Variants in TMEM117 observed in about 807,000 individuals in gnomAD.
TMEM117 encodes the protein transmembrane protein 117.
A neutral mutation model predicts 52.4 loss-of-function variants in TMEM117; 27 were observed. That is an observed-to-expected ratio of 0.51 (90% CI 0.38 to 0.71). TMEM117 has a LOEUF of 0.71. Ranked by LOEUF, TMEM117 falls within the 30% of genes least tolerant of loss-of-function variation. The probability of loss-of-function intolerance (pLI) is 0.00; values close to 1 mark genes in which losing one functional copy is unlikely to be tolerated. For synonymous variants in TMEM117, 215 were observed against 206.3 expected (o/e 1.04, Z -0.36); for missense variants, 556 against 630.5 (o/e 0.88, Z 1.26).
chr12:44,264,445 C>G (rs113487844), intron 5 of TMEM117, among the ~76,000 whole-genome samples: 1 of 152,064 alleles, frequency 6.6e-6, no homozygotes, highest in Non-Finnish European at 1.5e-5. Context: ...GACACTGGAG[C>G]CAGTGTTTCT....
At chr12:44,030,937 T>G (rs563331578) in intron 3 of TMEM117, among the ~76,000 whole-genome samples, 1 of 152,362 alleles carries the variant, frequency 6.6e-6, no homozygotes, top group Admixed American at 6.5e-5. Context: ...AACAGGTTTT[T>G]CTTAAAGCAA....
At chr12:43,848,279 A>G (rs1943246003) in intron 2 of TMEM117, among the ~76,000 whole-genome samples, 1 of 152,124 alleles carries the variant, frequency 6.6e-6, no homozygotes, top group Admixed American at 6.5e-5. Flanking sequence ...GTCTGACCAC[A>G]AATTTACCAG....
At chr12:43,811,819 G>T in the TMEM117 span, among the ~76,000 whole-genome samples, 1 of 152,200 alleles carries the variant, frequency 6.6e-6, no homozygotes, top group African/African-American at 2.4e-5. Context: ...CTATAAGTTT[G>T]CTAAATAGAG....
chr12:44,065,271 G>A (rs935242787), intron 3 of TMEM117, among the ~76,000 whole-genome samples: 1 of 151,906 alleles, frequency 6.6e-6, no homozygotes, highest in Non-Finnish European at 1.5e-5. Context: ...CCCAGCTGAG[G>A]AGGAGAATTG....
intron 5 of TMEM117, among the ~76,000 whole-genome samples, chr12:44,265,678 G>A (rs1187101157): frequency 1.3e-5 from 2 of 152,074 alleles, no homozygotes; most frequent in East Asian, 1.9e-4. Flanking sequence ...TCATAATACT[G>A]TACAACCACT....
At chr12:44,156,576 A>G (rs1015095516) in intron 4 of TMEM117, among the ~76,000 whole-genome samples, 3 of 152,080 alleles carry the variant, frequency 2.0e-5, no homozygotes, top group African/African-American at 7.2e-5. Flanking sequence ...TAGAGATTCT[A>G]AAATGCAGAA....
chr12:43,944,168 A>G, intron 2 of TMEM117, 42 bp from the exon 3 acceptor site: 1 of 1,533,336 alleles, frequency 6.5e-7, no homozygotes, highest in Non-Finnish European at 8.9e-7. Flanking sequence ...ATGAATTTTG[A>G]GTTACAGTGT....
chr12:43,864,127 C>T (rs1592316261), intron 2 of TMEM117, among the ~76,000 whole-genome samples: 1 of 152,162 alleles, frequency 6.6e-6, no homozygotes, highest in African/African-American at 2.4e-5. Flanking sequence ...AGCTGCCTCC[C>T]TGGGGGGCAG....
intron 3 of TMEM117, among the ~76,000 whole-genome samples, chr12:44,025,345 C>T (rs1344849689): frequency 6.6e-6 from 1 of 152,140 alleles, no homozygotes. Context: ...ATTAGATAAA[C>T]TCCAGATTTG....
upstream of TMEM117, among the ~76,000 whole-genome samples, chr12:43,833,836 T>C (rs1393392713): frequency 6.6e-6 from 1 of 151,816 alleles, no homozygotes; most frequent in Non-Finnish European, 1.5e-5. Context: ...CTCACACCTG[T>C]AACCTCAGCA....
intron 2 of TMEM117, among the ~76,000 whole-genome samples, chr12:43,884,176 A>G (rs981812729): frequency 6.6e-6 from 1 of 151,768 alleles, no homozygotes; most frequent in African/African-American, 2.4e-5. Context: ...GTATTACTCT[A>G]TTAGTGAAAG....
chr12:44,049,205 A>G (rs1396313750), intron 3 of TMEM117, among the ~76,000 whole-genome samples: 1 of 152,246 alleles, frequency 6.6e-6, no homozygotes, highest in Non-Finnish European at 1.5e-5. Flanking sequence ...CAAATATGGT[A>G]CATATACACC....
intron 3 of TMEM117, among the ~76,000 whole-genome samples, chr12:44,070,684 T>A (rs190211530): frequency 6.6e-6 from 1 of 152,318 alleles, no homozygotes; most frequent in African/African-American, 2.4e-5. Flanking sequence ...GGTCTTTTGA[T>A]GACAGGGCAG....
chr12:43,978,692 T>C (rs1790922836), intron 3 of TMEM117, among the ~76,000 whole-genome samples: 1 of 152,128 alleles, frequency 6.6e-6, no homozygotes, highest in Non-Finnish European at 1.5e-5. Flanking sequence ...GATCTAGAGA[T>C]AGGGGCATTA....
chr12:44,254,619 C>T (rs1950235752), intron 5 of TMEM117, among the ~76,000 whole-genome samples: 1 of 151,598 alleles, frequency 6.6e-6, no homozygotes, highest in African/African-American at 2.4e-5. Flanking sequence ...AATTATTCTG[C>T]TTCTAGGGGC....
chr12:44,385,771 G>C (rs1281369292), intron 7 of TMEM117, among the ~76,000 whole-genome samples: 1 of 152,066 alleles, frequency 6.6e-6, no homozygotes, highest in Non-Finnish European at 1.5e-5. Context: ...CTTGCTTTCT[G>C]TCATGGAATC....
chr12:44,355,892 C>G (rs759296495), intron 6 of TMEM117, among the ~76,000 whole-genome samples: 4 of 152,028 alleles, frequency 2.6e-5, no homozygotes, highest in Non-Finnish European at 5.9e-5. Context: ...GAGGCAAAAC[C>G]AGTCATGCTA....
chr12:43,983,983 T>C (rs545171105), intron 3 of TMEM117, among the ~76,000 whole-genome samples: 13 of 152,304 alleles, frequency 8.5e-5, no homozygotes, highest in African/African-American at 2.2e-4. Context: ...ATGAATTGTT[T>C]GTTTTTGTTT....
rs757187458 is a variant in TMEM117, at chr12:43,844,862, C to A, written c.211C>A (p.Leu71Ile). Reference sequence around the variant, plus strand: ...TGGCTGGAGGATTTTGAAGGTGCTTCTATGGCTACTTGCCATTCTCACAGG... The same window carrying A: ...TGGCTGGAGGATTTTGAAGGTGCTTATATGGCTACTTGCCATTCTCACAGG... ...GVGWRILKVLLWLLAILTGLI... is the reference protein window; with the variant it reads ...GVGWRILKVLIWLLAILTGLI... The change falls in exon 2 of 8, where the codon CTA becomes ATA. Residue 71 changes from leucine to isoleucine, a missense_variant. By Grantham distance (5) the Leu-to-Ile change is conservative. Around this residue, in one of 3 missense-constraint regions of TMEM117, gnomAD observed 328 missense variants for 371.4 expected, o/e 0.88. Coordinates refer to ENST00000266534, the MANE Select transcript of TMEM117 (RefSeq NM_032256.3). 5 of 1,614,088 alleles carry A rather than the reference C, an allele frequency of 3.1e-6. No homozygotes were observed. The highest frequency in any genetic ancestry group is 4.2e-6 in the Non-Finnish European group (5 of 1,180,036).
Sources: allele counts gnomAD v4.1 joint callset (sites outside exome capture counted in the v4.1 genomes callset), GRCh38; gene constraint gnomAD v4.1.1; regional missense constraint gnomAD v4.1.1; transcripts MANE v1.5; gene names NCBI Gene and HGNC (gene_info 2026-07-23, HGNC 2026-07-21).